The following DAO variants were observed in gnomAD, a reference collection of about 807,000 sequenced individuals.
DAO encodes the protein D-amino acid oxidase, also known as D-amino-acid oxidase.
In DAO, 51 loss-of-function variants were observed where a neutral mutation model predicts 50.1. The ratio of observed to expected loss-of-function variants is 1.02; its 90% confidence interval spans 0.81 to 1.29. DAO has a LOEUF of 1.29. Ranked by LOEUF, DAO falls within the 50% of genes most tolerant of loss-of-function variation. The probability of loss-of-function intolerance (pLI) is 0.00; values close to 1 mark genes in which losing one functional copy is unlikely to be tolerated. For missense variants in DAO, 436 were observed against 439.4 expected (o/e 0.99, Z 0.07); for synonymous variants, 160 against 166.2 (o/e 0.96, Z 0.29).
intron 2 of DAO, among the ~76,000 whole-genome samples, chr12:108,887,215 T>C (rs1401863090): frequency 6.6e-6 from 1 of 152,210 alleles, no homozygotes; most frequent in Non-Finnish European, 1.5e-5. Flanking sequence ...CATATGGTTA[T>C]GATGGGGCAT....
Position 108,887,564 on chromosome 12 carries a change from G to T in DAO, c.309G>T (p.Pro103=). Residue 103 remains proline (P), a splice_region_variant and synonymous_variant, in exon 3 of 11, where the codon CCG becomes CCT. Transcript: ENST00000228476. ...ACAACCTCTTCCATGAAGCCATTCC[G>T]GTGGGTGAACAGTTCTTGACCATGA... ...SGYNLFHEAI[P]DPSWKDTVLG... 1.2e-6 allele frequency: 2 copies of T among 1,608,524 alleles called. No individual in the cohort carries two copies. Among genetic ancestry groups the T allele is most frequent in the Non-Finnish European group, 1.7e-6 (2 of 1,174,968 alleles).
chr12:108,887,673 G>A (rs1051120197), intron 3 of DAO, 109 bp downstream of exon 3: 16 of 797,232 alleles, frequency 2.0e-5, no homozygotes, highest in South Asian at 5.4e-5. Flanking sequence ...TTTGAGTCTC[G>A]TAGGCAACAG....
chr12:108,895,670 G>A (rs1158841906), intron 7 of DAO, among the ~76,000 whole-genome samples: 1 of 149,276 alleles, frequency 6.7e-6, no homozygotes, highest in African/African-American at 2.5e-5. Context: ...GAGGGTGTGT[G>A]CATGTATGTA....
rs546559634 is a variant in DAO at position 108,886,602 on chromosome 12, A to T, written c.195-848A>T. Among the ~76,000 whole-genome samples, 34 of 152,298 alleles carry T rather than the reference A, an allele frequency of 2.2e-4. 1 individual carries two copies. In the South Asian group the frequency reaches 6.8e-3, roughly 31 times the overall value. On this transcript the variant is annotated intron_variant, in intron 2 of 10. Transcript: ENST00000228476. ...CACCTCAGCCTCCCAAGTAGCGAGG[A>T]CACACATGCATGCTATCATGCCTGG...
At position 108,900,643 on chromosome 12, in the gene DAO, A is replaced by C; in HGVS notation, c.*108A>C. On this transcript the variant is annotated 3_prime_UTR_variant, in exon 11 of 11. Transcript: ENST00000228476. ...TTGCTTCTCCCTCACTTCTTTCCTC[A>C]AAGAAGCATGAGGTGAGAGAAAGCC... 1 of 1,512,330 alleles carries C rather than the reference A, an allele frequency of 6.6e-7. No individual in the cohort carries two copies. The highest frequency in any genetic ancestry group is 2.3e-5 in the East Asian group (1 of 42,810). The allele number at this position is 1,512,330 out of a possible 1,614,324, so 93.7% of individuals were successfully genotyped here.
intron 8 of DAO, among the ~76,000 whole-genome samples, chr12:108,898,011 T>C (rs1420978693): frequency 1.3e-5 from 2 of 151,224 alleles, no homozygotes; most frequent in Non-Finnish European, 2.9e-5. Flanking sequence ...TGATTGGGGC[T>C]GATGGTGATG....
rs2039567325 is a variant in DAO at position 108,897,001 on chromosome 12, A to T, written c.613-5A>T. ...TGATGAGACTTTCCTGCCCTGAATC[A>T]ACAGGTGGACGCCCCTTGGATGAAG... On this transcript the variant is annotated splice_region_variant and splice_polypyrimidine_tract_variant and intron_variant, in intron 7 of 10. Coordinates refer to ENST00000228476, the MANE Select transcript of DAO (RefSeq NM_001917.5). 6.2e-7 allele frequency: 1 copy of T among 1,612,888 alleles called. No homozygotes were observed. Among genetic ancestry groups the T allele is most frequent in the African/African-American group, 1.3e-5 (1 of 75,014 alleles).
chr12:108,880,339 G>T (rs2039363397), intron 1 of DAO, 115 bp downstream of exon 1: 1 of 345,462 alleles, frequency 2.9e-6, no homozygotes, highest in Non-Finnish European at 5.8e-6. Flanking sequence ...CCTAAGGCAG[G>T]TGACAGGAAA....
chr12:108,892,463 G>A (rs944053572), intron 5 of DAO, among the ~76,000 whole-genome samples: 15 of 152,050 alleles, frequency 9.9e-5, no homozygotes, highest in Non-Finnish European at 1.5e-5. Flanking sequence ...ACCGCGCCTC[G>A]CTGTTTCTAG....
intron 7 of DAO, 43 bp from the exon 8 acceptor site, chr12:108,896,963 G>A (rs1216005839): frequency 6.8e-7 from 1 of 1,478,760 alleles, no homozygotes; most frequent in African/African-American, 1.4e-5. Flanking sequence ...CAGCCACATT[G>A]ACTCACCTCC....
chr12:108,895,932 C>G (rs1291782089), intron 7 of DAO, among the ~76,000 whole-genome samples: 1 of 151,600 alleles, frequency 6.6e-6, no homozygotes, highest in Admixed American at 6.6e-5. Flanking sequence ...GTTTATGGAG[C>G]CAGCTTGAGG....
rs146793573 is a variant in DAO, at chr12:108,899,430, T to A, written c.867T>A (p.Ile289=). 47 of 1,613,908 alleles carry A rather than the reference T, an allele frequency of 2.9e-5. No homozygotes were observed. The African/African-American group carries it at 5.7e-4, about 20-fold the overall frequency. ...GCTTCCGGCCAGTACGCCCCCAGAT[T>A]CGGCTAGAAAGAGAACAGCTTCGCA... ...RTGFRPVRPQ[I]RLEREQLRTG... Residue 289 remains isoleucine, a synonymous_variant, in exon 10 of 11, where the codon ATT becomes ATA. Coordinates refer to ENST00000228476, the MANE Select transcript of DAO (RefSeq NM_001917.5).
chr12:108,896,882 C>A, intron 7 of DAO, 124 bp from the exon 8 acceptor site: 1 of 765,680 alleles, frequency 1.3e-6, no homozygotes, highest in East Asian at 2.5e-5. Context: ...GCCATAGTGT[C>A]ATGAGAGGTC....
chr12:108,883,292 G>A (rs901118872), intron 1 of DAO, among the ~76,000 whole-genome samples: 30 of 152,222 alleles, frequency 2.0e-4, no homozygotes, highest in African/African-American at 6.5e-4. Context: ...GATTACAGGC[G>A]CCTGCCACCG....
chr12:108,885,286 G>A, intron 2 of DAO, 86 bp downstream of exon 2: 1 of 1,307,874 alleles, frequency 7.6e-7, no homozygotes, highest in Non-Finnish European at 1.1e-6. Context: ...CCAAGAGCAA[G>A]CCCCTTGTGG....
chr12:108,884,405 A>G (rs1593157635), intron 1 of DAO, among the ~76,000 whole-genome samples: 3 of 152,262 alleles, frequency 2.0e-5, no homozygotes, highest in Admixed American at 2.0e-4. Context: ...GTGTTGGGAG[A>G]CTTGGATGAA....
At position 108,880,135 on chromosome 12, in the gene DAO, G is replaced by A. The variant is rs1053500876; in HGVS notation, c.-99G>A. On this transcript the variant is annotated 5_prime_UTR_variant, in exon 1 of 11. Transcript: ENST00000228476. Reference sequence around the variant, plus strand: ...GCGGACAGAGGGCTGGAAACAAGACGCTCCAGAATCAGGAGCTTCCCCTCA... The same window carrying A: ...GCGGACAGAGGGCTGGAAACAAGACACTCCAGAATCAGGAGCTTCCCCTCA... 8.1e-5 allele frequency: 37 copies of A among 456,550 alleles called. No homozygotes were observed. Among genetic ancestry groups the A allele is most frequent in the Middle Eastern group, 6.5e-4 (2 of 3,096 alleles). 28.3% of individuals were successfully genotyped at this position (456,550 alleles called of 1,614,324 possible).
Position 108,890,249 on chromosome 12 carries a change from A to G in DAO, c.428A>G (p.Asn143Ser). 6.2e-7 allele frequency: 1 copy of G among 1,613,784 alleles called. No individual in the cohort carries two copies. Among genetic ancestry groups the G allele is most frequent in the Non-Finnish European group, 8.5e-7 (1 of 1,179,690 alleles). The change falls in exon 5 of 11, where the codon AAC becomes AGC. Residue 143 changes from asparagine to serine, a missense_variant. Physicochemically the swap from Asn to Ser is conservative, Grantham distance 46. Transcript: ENST00000228476. ...ACAAGCCTAATTCTGGAGGGAAAGA[A>G]CTATCTACAGTGGCTGACTGAAAGG... ...FHTSLILEGK[N>S]YLQWLTERLT...
chr12:108,900,357 C>T, intron 10 of DAO, 47 bp from the exon 11 acceptor site: 2 of 1,609,544 alleles, frequency 1.2e-6, no homozygotes, highest in Non-Finnish European at 1.7e-6. Flanking sequence ...TCTATTCTTT[C>T]CACTGTCCCT....
Sources: gnomAD v4.1 joint callset for allele counts (sites outside exome capture counted in the v4.1 genomes callset) on GRCh38, gnomAD v4.1.1 for gene constraint, MANE v1.5 for transcripts, NCBI Gene and HGNC (gene_info 2026-07-23, HGNC 2026-07-21) for gene names.